Variants in GMEB2 observed in about 807,000 individuals in gnomAD.
The protein encoded by GMEB2 is glucocorticoid modulatory element-binding protein 2.
GMEB2 carries 7 observed loss-of-function variants against 45.7 expected under a neutral mutation model. That is an observed-to-expected ratio of 0.15 (90% CI 0.09 to 0.29). The LOEUF is 0.29. GMEB2 is among the 10% of genes least tolerant of loss of function. The pLI is 1.00. For synonymous variants in GMEB2, 322 were observed against 323.6 expected, an observed-to-expected ratio of 1.00 and a Z score of 0.05; for missense variants, 582 against 739.2, an observed-to-expected ratio of 0.79 and a Z score of 2.47.
chr20:63,615,915 G>C (rs2777931), intron 2 of GMEB2, among the ~76,000 whole-genome samples: 1 of 152,032 alleles, frequency 6.6e-6, no homozygotes, highest in Non-Finnish European at 1.5e-5. Context: ...CATATGTTTC[G>C]ATATAAACAG....
chr20:63,605,995 C>A (rs1426136282), intron 2 of GMEB2, among the ~76,000 whole-genome samples: 1 of 151,654 alleles, frequency 6.6e-6, no homozygotes, highest in East Asian at 1.9e-4. Context: ...CAGCAGGATT[C>A]ATGGAGGCAG....
chr20:63,615,376 G>A (rs1442602514), intron 2 of GMEB2, among the ~76,000 whole-genome samples: 1 of 152,090 alleles, frequency 6.6e-6, no homozygotes, highest in Non-Finnish European at 1.5e-5. Flanking sequence ...CCAGGCTGCA[G>A]TGCAGTGGCA....
At chr20:63,621,363 C>CT (rs2089641364) in intron 1 of GMEB2, among the ~76,000 whole-genome samples, 1 of 152,146 alleles carries the variant, frequency 6.6e-6, no homozygotes, top group South Asian at 2.1e-4. Context: ...CTGAATGGTG[C>CT]TGAACCACAC....
In GMEB2 at chr20:63,597,816, G is replaced by A. The variant is rs142154898; in HGVS notation, c.402C>T (p.Ala134=). 280 of 1,611,622 alleles carry A rather than the reference G, an allele frequency of 1.7e-4. No homozygotes were observed. The highest frequency in any genetic ancestry group is 1.3e-3 in the South Asian group (117 of 91,018). Residue 134 remains alanine, a synonymous_variant, in exon 5 of 10, where the codon GCC becomes GCT. Coordinates refer to ENST00000370077, the MANE Select transcript of GMEB2 (RefSeq NM_012384.5). ...TCCAGTCCTTCAGGGTGGACTTCCCGGCCAGGTGCACAAATTCCTTTGGGC... is the reference window on the plus strand; with the variant it reads ...TCCAGTCCTTCAGGGTGGACTTCCCAGCCAGGTGCACAAATTCCTTTGGGC... The part of the protein sequence containing the change: ...VISPKEFVHL[A]GKSTLKDWKR...
chr20:63,605,588 G>A (rs2089512575), intron 2 of GMEB2, among the ~76,000 whole-genome samples: 1 of 151,032 alleles, frequency 6.6e-6, no homozygotes, highest in African/African-American at 2.4e-5. Flanking sequence ...ATGGGGACAA[G>A]CTGGTCTCGA....
intron 3 of GMEB2, among the ~76,000 whole-genome samples, chr20:63,604,369 C>A (rs1308326453): frequency 6.6e-6 from 1 of 152,174 alleles, no homozygotes; most frequent in African/African-American, 2.4e-5. Context: ...CAGAACAAGA[C>A]CCTGTCTCAA....
Position 63,590,436 on chromosome 20 carries a change from G to T in GMEB2, c.1246C>A (p.Gln416Lys). 1 of 1,546,136 alleles carries T rather than the reference G, an allele frequency of 6.5e-7. No homozygotes were observed. The part of the protein sequence containing the change: ...PSTVLGKGSL[Q>K]APPASSPASP... ...GCCGGGGAGCTGGCGGGGGGCGCCT[G>T]AAGGGAACCCTTGCCCAGGACGGTG... The change falls in exon 10 of 10, where the codon CAG (glutamine) becomes AAG (lysine). Residue 416 changes from glutamine to lysine, a missense_variant. Gln to Lys is a moderately conservative substitution (Grantham distance 53, BLOSUM62 1). Transcript: ENST00000370077.
At chr20:63,624,708 T>C (rs1046082863) in intron 1 of GMEB2, among the ~76,000 whole-genome samples, 2 of 152,154 alleles carry the variant, frequency 1.3e-5, no homozygotes, top group South Asian at 2.1e-4. Flanking sequence ...ACTGCATACA[T>C]ACATATATTC....
intron 2 of GMEB2, among the ~76,000 whole-genome samples, chr20:63,616,029 T>G (rs899212594): frequency 6.6e-6 from 1 of 152,252 alleles, no homozygotes; most frequent in African/African-American, 2.4e-5. Flanking sequence ...CTAATTTTCT[T>G]TTTCTTTCTA....
chr20:63,610,249 C>T (rs1314681949), intron 2 of GMEB2, among the ~76,000 whole-genome samples: 2 of 152,194 alleles, frequency 1.3e-5, no homozygotes, highest in South Asian at 2.1e-4. Flanking sequence ...CAGCCGGGCA[C>T]GGTGGCTCAC....
intron 3 of GMEB2, 84 bp from the exon 4 acceptor site, chr20:63,603,176 A>T (rs2083253835): frequency 6.8e-7 from 1 of 1,474,092 alleles, no homozygotes; most frequent in Non-Finnish European, 9.3e-7. Context: ...AAATGCAGAA[A>T]ATAGCTACCA....
At chr20:63,625,633 C>A (rs952077597) in intron 1 of GMEB2, among the ~76,000 whole-genome samples, 1 of 149,106 alleles carries the variant, frequency 6.7e-6, no homozygotes, top group South Asian at 2.1e-4. Flanking sequence ...AATCTTGCTC[C>A]GTCACCCAGG....
In GMEB2 at chr20:63,589,232, G is replaced by C. The variant is rs6089931; in HGVS notation, c.*857C>G. 27,372 of 399,140 alleles carry C rather than the reference G, an allele frequency of 0.069. 1,271 individuals carry two copies. Among genetic ancestry groups the C allele is most frequent in the African/African-American group, 0.15 (7,358 of 48,720 alleles). 24.7% of individuals were successfully genotyped at this position (399,140 alleles called of 1,614,324 possible). A position where few individuals can be genotyped will look rare whatever the true frequency, so the allele number is the denominator to read the frequency against. ...CCTGGGAGGGGCCGGCTCAGGGACA[G>C]GCTGCCCAGGACCTCCGCACCCGGT... On this transcript the variant is annotated 3_prime_UTR_variant, in exon 10 of 10. Coordinates refer to ENST00000370077, the MANE Select transcript of GMEB2 (RefSeq NM_012384.5).
Position 63,587,930 on chromosome 20 carries a change from A to C in GMEB2, c.*2159T>G, listed in dbSNP as rs1160058664. On this transcript the variant is annotated 3_prime_UTR_variant, in exon 10 of 10. Transcript: ENST00000370077. Reference sequence around the variant, plus strand: ...AGGAGCCGGGGGCGGTGCTGACAACAACCTTCCCCACCCACTGCAGTGTGG... The same window carrying C: ...AGGAGCCGGGGGCGGTGCTGACAACCACCTTCCCCACCCACTGCAGTGTGG... The C allele has an allele frequency of 1.3e-5, 2 of 152,300 alleles. No individual in the cohort carries two copies. Among genetic ancestry groups the C allele is most frequent in the East Asian group, 3.8e-4 (2 of 5,264 alleles). The allele number at this position is 152,300 out of a possible 1,614,324, so 9.4% of individuals were successfully genotyped here. A position where few individuals can be genotyped will look rare whatever the true frequency, so the allele number is the denominator to read the frequency against.
At chr20:63,626,230 A>ATCCCTGTGGATCTCGTCCCTGTGGGGTGG in intron 1 of GMEB2, among the ~76,000 whole-genome samples, 1 of 146,764 alleles carries the variant, frequency 6.8e-6, no homozygotes, top group South Asian at 2.2e-4. Flanking sequence ...CAGTGGGGTG[A>ATCCCTGTGGATCTCGTCCCTGTGGGGTGG]TCCCTGCGGG....
At chr20:63,620,513 G>T (rs1384160716) in intron 1 of GMEB2, among the ~76,000 whole-genome samples, 1 of 152,196 alleles carries the variant, frequency 6.6e-6, no homozygotes, top group Non-Finnish European at 1.5e-5. Context: ...ACACAGCTGT[G>T]TGTGAGCGCC....
chr20:63,599,660 C>T (rs1453506495), intron 4 of GMEB2, among the ~76,000 whole-genome samples: 1 of 152,204 alleles, frequency 6.6e-6, no homozygotes, highest in Non-Finnish European at 1.5e-5. Flanking sequence ...TCTCTGTCCC[C>T]GTCCTTCTGG....
At position 63,619,426 on chromosome 20, in the gene GMEB2, G is replaced by T; in HGVS notation, c.-29C>A. On this transcript the variant is annotated 5_prime_UTR_variant, in exon 2 of 10. In the 5' UTR this introduces an upstream ATG that the reference lacks. Transcript: ENST00000370077. The surrounding 1 kb of genome is among the most constrained non-coding windows in gnomAD (Gnocchi z 4.6). ...TCAGCGGAAGGGGACGCCCAGGCCA[G>T]CAGCGTCAGTCCTCCAGGGTCCCAA... The T allele has an allele frequency of 6.2e-7, 1 of 1,602,816 alleles. No homozygotes were observed. Among genetic ancestry groups the T allele is most frequent in the Non-Finnish European group, 8.5e-7 (1 of 1,177,740 alleles).
chr20:63,614,466 C>A (rs1041781793), intron 2 of GMEB2, among the ~76,000 whole-genome samples: 2 of 152,180 alleles, frequency 1.3e-5, no homozygotes, highest in Admixed American at 6.5e-5. Flanking sequence ...CGTGGTCTAG[C>A]GGTAGCCTCA....
Sources: allele counts gnomAD v4.1 joint callset (sites outside exome capture counted in the v4.1 genomes callset), GRCh38; gene constraint gnomAD v4.1.1; non-coding constraint Gnocchi (gnomAD v3.1); transcripts MANE v1.5; gene names NCBI Gene and HGNC (gene_info 2026-07-23, HGNC 2026-07-21).